The following CDK14 variants were observed in gnomAD, a reference collection of about 807,000 sequenced individuals.
CDK14 encodes cyclin dependent kinase 14, also known as cyclin-dependent kinase 14.
In CDK14, 34 loss-of-function variants were observed where a neutral mutation model predicts 60.7. That is an observed-to-expected ratio of 0.56 (90% CI 0.43 to 0.75). The LOEUF is 0.75. Among genes scored for constraint, CDK14 ranks in the 30% least tolerant of loss-of-function variants. The pLI, the probability that CDK14 is intolerant of heterozygous loss-of-function variation, is 0.00. For synonymous variants in CDK14, 197 were observed against 203.7 expected (o/e 0.97, Z 0.28); for missense variants, 482 against 564.1 (o/e 0.85, Z 1.47).
chr7:91,086,099 A>G (rs1798630663), intron 12 of CDK14, among the ~76,000 whole-genome samples: 1 of 152,176 alleles, frequency 6.6e-6, no homozygotes, highest in South Asian at 2.1e-4. Context: ...GTGTAATACA[A>G]ATGTGGATGT....
At chr7:90,762,701 G>A (rs1373239210) in intron 4 of CDK14, among the ~76,000 whole-genome samples, 4 of 152,106 alleles carry the variant, frequency 2.6e-5, no homozygotes, top group African/African-American at 9.7e-5. Context: ...AAGATAGCTG[G>A]AAGGCCCGGT....
chr7:91,160,390 C>G (rs928928920), intron 14 of CDK14, among the ~76,000 whole-genome samples: 1 of 152,136 alleles, frequency 6.6e-6, no homozygotes, highest in East Asian at 1.9e-4. Flanking sequence ...GTGGACTTCC[C>G]TGGGCTGTGG....
In CDK14 at chr7:90,945,367, A is replaced by G. The variant is rs973341678; in HGVS notation, c.827-10330A>G. Among the ~76,000 whole-genome samples the G allele has an allele frequency of 2.0e-5, 3 of 152,218 alleles. No individual in the cohort carries two copies. In the East Asian group the frequency reaches 5.8e-4, roughly 29 times the overall value. On this transcript the variant is annotated intron_variant, in intron 8 of 14. Coordinates refer to ENST00000380050, the MANE Select transcript of CDK14 (RefSeq NM_001287135.2). Reference sequence around the variant, plus strand: ...GGATTCTAGAAGGAAACAAAGGGCAACACAAATGGGGCAATTGAGGGGTGT... The same window carrying G: ...GGATTCTAGAAGGAAACAAAGGGCAGCACAAATGGGGCAATTGAGGGGTGT...
At chr7:90,628,342 T>C (rs1424416882) in intron 2 of CDK14, among the ~76,000 whole-genome samples, 1 of 152,210 alleles carries the variant, frequency 6.6e-6, no homozygotes, top group Non-Finnish European at 1.5e-5. Context: ...GCCTGCTTTC[T>C]GTTTCATTTT....
intron 7 of CDK14, among the ~76,000 whole-genome samples, chr7:90,899,687 A>G (rs917264268): frequency 2.0e-5 from 3 of 152,076 alleles, no homozygotes; most frequent in African/African-American, 7.2e-5. Context: ...ACCCATACTG[A>G]TGTACCAGTT....
intron 10 of CDK14, among the ~76,000 whole-genome samples, chr7:90,995,697 A>G (rs1292118818): frequency 1.3e-5 from 2 of 152,220 alleles, no homozygotes; most frequent in African/African-American, 4.8e-5. Flanking sequence ...AACTGAGACT[A>G]AATGCCAAAT....
intron 10 of CDK14, among the ~76,000 whole-genome samples, chr7:90,988,196 T>C (rs1049181331): frequency 2.0e-5 from 3 of 152,288 alleles, no homozygotes; most frequent in African/African-American, 7.2e-5. Context: ...AGTTCACAAT[T>C]TTAACAAGTT....
chr7:90,983,242 G>A (rs1208375727), intron 9 of CDK14, among the ~76,000 whole-genome samples: 3 of 152,058 alleles, frequency 2.0e-5, no homozygotes. Flanking sequence ...CTAAAAAAAA[G>A]ATACACATAC....
intron 3 of CDK14, among the ~76,000 whole-genome samples, chr7:90,729,186 G>A (rs1330556693): frequency 6.6e-6 from 1 of 151,578 alleles, no homozygotes; most frequent in Non-Finnish European, 1.5e-5. Context: ...GAGGGAGACT[G>A]GGGCAAAGAC....
chr7:90,898,027 T>TTTGCCC (rs1484018613), intron 6 of CDK14, among the ~76,000 whole-genome samples: 1 of 152,086 alleles, frequency 6.6e-6, no homozygotes, highest in Non-Finnish European at 1.5e-5. Flanking sequence ...TTTCTTTGCC[T>TTTGCCC]TTGCCCTTCA....
chr7:90,825,228 CCT>C (rs1789682038), intron 5 of CDK14, among the ~76,000 whole-genome samples: 2 of 152,296 alleles, frequency 1.3e-5, no homozygotes, highest in Non-Finnish European at 2.9e-5. Flanking sequence ...CTCTGAGTCA[CCT>C]ACTGCAGGGC....
intron 7 of CDK14, among the ~76,000 whole-genome samples, chr7:90,906,882 T>C (rs1792725216): frequency 6.6e-6 from 1 of 152,102 alleles, no homozygotes; most frequent in Admixed American, 6.6e-5. Flanking sequence ...GCGTATTTCT[T>C]GTAAGCCCTG....
intron 1 of CDK14, among the ~76,000 whole-genome samples, chr7:90,598,480 G>C (rs1447004162): frequency 6.6e-6 from 1 of 152,122 alleles, no homozygotes; most frequent in Admixed American, 6.6e-5. Flanking sequence ...AGTGCAGTGA[G>C]CACAGCTGAT....
At chr7:90,624,665 A>G (rs919906662) in intron 2 of CDK14, among the ~76,000 whole-genome samples, 2 of 152,226 alleles carry the variant, frequency 1.3e-5, no homozygotes, top group Admixed American at 6.5e-5. Context: ...TTTGGTGATA[A>G]CAGGAAGCTG....
chr7:91,151,177 C>T (rs933782057), intron 14 of CDK14, among the ~76,000 whole-genome samples: 2 of 152,196 alleles, frequency 1.3e-5, no homozygotes, highest in Admixed American at 1.3e-4. Context: ...TTACCCTTCT[C>T]ATTCCCACAC....
chr7:91,030,372 G>A (rs1796727365), intron 10 of CDK14, among the ~76,000 whole-genome samples: 1 of 151,946 alleles, frequency 6.6e-6, no homozygotes, highest in Admixed American at 6.6e-5. Flanking sequence ...TCAGTATACA[G>A]GCTCTGACCT....
chr7:91,173,889 C>T (rs1226605510), intron 14 of CDK14, among the ~76,000 whole-genome samples: 3 of 152,230 alleles, frequency 2.0e-5, no homozygotes, highest in Admixed American at 6.5e-5. Flanking sequence ...GAGGGGCACC[C>T]GCCATTGCAC....
In CDK14 at chr7:90,726,744, A is replaced by G; in HGVS notation, c.301A>G (p.Ile101Val). 6 of 1,613,858 alleles carry G rather than the reference A, an allele frequency of 3.7e-6. No individual in the cohort carries two copies. The highest frequency in any genetic ancestry group is 3.4e-6 in the Non-Finnish European group (4 of 1,179,836). Residue 101 changes from isoleucine (I) to valine (V), a missense_variant, in exon 3 of 15, where the codon ATT becomes GTT. Transcript: ENST00000380050. The part of the protein sequence containing the change: ...KRVHSENNAC[I>V]NFKTSSTGKE... ...GGTGCATTCTGAGAACAATGCTTGC[A>G]TTAACTTTAAGACCTCCTCCACTGG...
intron 4 of CDK14, among the ~76,000 whole-genome samples, chr7:90,776,152 G>A (rs930137665): frequency 1.3e-5 from 2 of 152,104 alleles, no homozygotes; most frequent in African/African-American, 4.8e-5. Flanking sequence ...TTTTTCCTGT[G>A]CTTTGCCTTC....
Sources: gnomAD v4.1 joint callset for allele counts (sites outside exome capture counted in the v4.1 genomes callset) on GRCh38, gnomAD v4.1.1 for gene constraint, MANE v1.5 for transcripts, NCBI Gene and HGNC (gene_info 2026-07-23, HGNC 2026-07-21) for gene names.